Variants in NPC2 observed in about 807,000 individuals in gnomAD.
The protein encoded by NPC2 is NPC intracellular cholesterol transporter 2.
Under a neutral mutation model 17.0 loss-of-function variants are expected in NPC2, and 14 were observed. The observed-to-expected ratio is 0.82, with a 90% CI of 0.54 to 1.29. The LOEUF is 1.29. Among genes scored for constraint, NPC2 ranks in the 50% most tolerant of loss-of-function variants. NPC2 has a pLI of 0.00. For missense variants in NPC2, 167 were observed against 183.4 expected, an observed-to-expected ratio of 0.91 and a Z score of 0.52; for synonymous variants, 75 against 69.3, an observed-to-expected ratio of 1.08 and a Z score of -0.41.
At chr14:74,483,587 G>T (rs1271149722) in intron 3 of NPC2, among the ~76,000 whole-genome samples, 1 of 152,168 alleles carries the variant, frequency 6.6e-6, no homozygotes, top group South Asian at 2.1e-4. Context: ...CAGCATTCCA[G>T]ACTTCAAAAA....
chr14:74,493,303 A>G lies in NPC2; in HGVS notation c.-29T>C, dbSNP rs976318001. 5.0e-6 allele frequency: 8 copies of G among 1,607,152 alleles called. No homozygotes were observed. The highest frequency in any genetic ancestry group is 6.8e-6 in the Non-Finnish European group (8 of 1,177,552). ...GGATAACGAAGTTCCAAGCTCGGGA[A>G]AGAAGCAGCGGCCGCCCGCGGTCAC... On this transcript the variant is annotated 5_prime_UTR_variant, in exon 1 of 5. Transcript: ENST00000555619. This position sits in a 1 kb window ranked among gnomAD's most constrained non-coding sequence, Gnocchi z 4.1.
In NPC2 at chr14:74,492,625, G is replaced by A. The variant is rs535622663; in HGVS notation, c.82+568C>T. The stretch of plus-strand genomic sequence containing the variant: ...CAACAAAGATTCCAACCACAGCGGC[G>A]AGAGGGAGTTATGTATCACAAGCTG... On this transcript the variant is annotated intron_variant, in intron 1 of 4. Transcript: ENST00000555619. Among the ~76,000 whole-genome samples the A allele has an allele frequency of 2.0e-5, 3 of 152,286 alleles. No individual in the cohort carries two copies. In the South Asian group the frequency reaches 6.2e-4, roughly 32 times the overall value.
chr14:74,492,104 T>C (rs1484977830), intron 1 of NPC2, among the ~76,000 whole-genome samples: 1 of 152,124 alleles, frequency 6.6e-6, no homozygotes, highest in African/African-American at 2.4e-5. Context: ...GACTCTCCTA[T>C]GATTTTATCT....
At chr14:74,486,269 A>G (rs2086711446) in intron 2 of NPC2, 60 bp downstream of exon 2, 2 of 1,396,406 alleles carry the variant, frequency 1.4e-6, no homozygotes, top group Non-Finnish European at 2.0e-6. Context: ...GCTTATTCCA[A>G]CACTTGATAT....
At position 74,480,752 on chromosome 14, in the gene NPC2, G is replaced by T. The variant is rs1199723791; in HGVS notation, c.391C>A (p.Gln131Lys). 6.2e-7 allele frequency: 1 copy of T among 1,613,900 alleles called. No homozygotes were observed. Among genetic ancestry groups the T allele is most frequent in the East Asian group, 2.2e-5 (1 of 44,890 alleles). Residue 131 changes from glutamine (Q) to lysine (K), a missense_variant, in exon 4 of 5, where the codon CAG becomes AAG. Physicochemically the swap from Gln to Lys is moderately conservative, Grantham distance 53 (BLOSUM62 1). Transcript: ENST00000555619. Reference protein sequence around the residue: ...SIKLVVEWQLQDDKNQSLFCW... With the variant: ...SIKLVVEWQLKDDKNQSLFCW... The stretch of plus-strand genomic sequence containing the variant: ...AAGAGACTTTGGTTTTTGTCATCCT[G>T]AAGTTGCCACTCCACCACCAGTTTT...
At chr14:74,484,297 T>TCTTCTTCATCATAGAGATAAGGGGCC in intron 3 of NPC2, 118 bp downstream of exon 3, 1 of 1,096,644 alleles carries the variant, frequency 9.1e-7, no homozygotes, top group Non-Finnish European at 1.4e-6. Context: ...CCCTCGGGCT[T>TCTTCTTCATCATAGAGATAAGGGGCC]CTTCTTCATC....
At chr14:74,483,046 AT>A in intron 3 of NPC2, 4 of 1,291,142 alleles carry the variant, frequency 3.1e-6, no homozygotes, top group African/African-American at 1.5e-5. Flanking sequence ...TGTTCAGGGA[AT>A]TTTTGTTGAA....
At chr14:74,483,332 G>T in intron 3 of NPC2, 2 of 1,316,632 alleles carry the variant, frequency 1.5e-6, no homozygotes, top group South Asian at 2.4e-5. Flanking sequence ...GTGAGTAGTT[G>T]GCAAAGAACA....
intron 3 of NPC2, among the ~76,000 whole-genome samples, chr14:74,481,255 A>T (rs2139665053): frequency 6.6e-6 from 1 of 152,356 alleles, no homozygotes; most frequent in African/African-American, 2.4e-5. Flanking sequence ...GCTGTTTAAA[A>T]GAGTCTGGGG....
chr14:74,486,061 G>A (rs1256536959), intron 2 of NPC2, among the ~76,000 whole-genome samples: 1 of 152,080 alleles, frequency 6.6e-6, no homozygotes, highest in African/African-American at 2.4e-5. Flanking sequence ...ATGCAATATG[G>A]GTCAAGACAG....
Position 74,486,428 on chromosome 14 carries a change from C to T in NPC2, c.91G>A (p.Asp31Asn). The change falls in exon 2 of 5, where the codon GAT becomes AAT. Residue 31 changes from aspartate to asparagine, a missense_variant. Asp to Asn is a conservative substitution (Grantham distance 23). Coordinates refer to ENST00000555619, the MANE Select transcript of NPC2 (RefSeq NM_006432.5). ...ACATTCACTTCCTTTATAACTCCAT[C>T]CACAGAACCTGCAAAAGAAAAATGA... ...PVQFKDCGSVDGVIKEVNVSP... is the reference protein window; with the variant it reads ...PVQFKDCGSVNGVIKEVNVSP... The T allele has an allele frequency of 1.3e-6, 2 of 1,592,272 alleles. No individual in the cohort carries two copies. The highest frequency in any genetic ancestry group is 1.1e-5 in the South Asian group (1 of 87,490).
chr14:74,484,773 A>AAAAAAAAAAAAAAC, intron 2 of NPC2, among the ~76,000 whole-genome samples, 186 bp from the exon 3 acceptor site: 1 of 145,660 alleles, frequency 6.9e-6, no homozygotes, highest in Non-Finnish European at 1.5e-5. Context: ...AAAAAAAAAA[A>AAAAAAAAAAAAAAC]AAAAACAATC....
Position 74,484,542 on chromosome 14 carries a change from A to G in NPC2, c.236T>C (p.Met79Thr), listed in dbSNP as rs1487074303. The G allele has an allele frequency of 6.2e-7, 1 of 1,614,206 alleles. No individual in the cohort carries two copies. Among genetic ancestry groups the G allele is most frequent in the Non-Finnish European group, 8.5e-7 (1 of 1,180,030 alleles). Residue 79 changes from methionine to threonine, a missense_variant, in exon 3 of 5, where the codon ATG becomes ACG. Coordinates refer to ENST00000555619, the MANE Select transcript of NPC2 (RefSeq NM_006432.5). Reference sequence around the variant, plus strand: ...AATGGGAAAGGGAACTGGGACGCCCATCAGGATGCCATGCACCACGGCCTT... The same window carrying G: ...AATGGGAAAGGGAACTGGGACGCCCGTCAGGATGCCATGCACCACGGCCTT... ...SSKAVVHGILMGVPVPFPIPE... is the reference protein window; with the variant it reads ...SSKAVVHGILTGVPVPFPIPE...
intron 1 of NPC2, among the ~76,000 whole-genome samples, chr14:74,492,923 T>C (rs1335979272): frequency 6.6e-6 from 1 of 152,060 alleles, no homozygotes; most frequent in Non-Finnish European, 1.5e-5. Flanking sequence ...CCTACAAACT[T>C]TAGGAAACTT....
upstream of NPC2, chr14:74,493,367 G>A: frequency 6.4e-7 from 1 of 1,554,408 alleles, no homozygotes; most frequent in South Asian, 1.2e-5. This position sits in a 1 kb window ranked among gnomAD's most constrained non-coding sequence, Gnocchi z 4.1. Context: ...GAGGAGCCCA[G>A]TCAGGCGACC....
At chr14:74,488,965 A>G (rs2086741969) in intron 1 of NPC2, among the ~76,000 whole-genome samples, 1 of 152,216 alleles carries the variant, frequency 6.6e-6, no homozygotes, top group Non-Finnish European at 1.5e-5. Context: ...CTGTTCTTTA[A>G]GGCCCACTTA....
At chr14:74,492,126 A>G (rs2086780932) in intron 1 of NPC2, among the ~76,000 whole-genome samples, 1 of 152,144 alleles carries the variant, frequency 6.6e-6, no homozygotes, top group African/African-American at 2.4e-5. Context: ...CAACCTGACC[A>G]ATCAGCACTC....
At chr14:74,483,120 T>A in intron 3 of NPC2, 1 of 952,926 alleles carries the variant, frequency 1.0e-6, no homozygotes, top group Non-Finnish European at 1.7e-6. Context: ...GCCAACAGTG[T>A]ATGCTTAAAA....
chr14:74,493,360 G>C, upstream of NPC2: 3 of 1,559,332 alleles, frequency 1.9e-6, no homozygotes, highest in Non-Finnish European at 2.6e-6. The surrounding 1 kb of genome is among the most constrained non-coding windows in gnomAD (Gnocchi z 4.1). Context: ...GCCCGGGGAG[G>C]AGCCCAGTCA....
Sources: allele counts gnomAD v4.1 joint callset (sites outside exome capture counted in the v4.1 genomes callset), GRCh38; gene constraint gnomAD v4.1.1; non-coding constraint Gnocchi (gnomAD v3.1); transcripts MANE v1.5; gene names NCBI Gene and HGNC (gene_info 2026-07-23, HGNC 2026-07-21).